TBC1D2B: variants seen among roughly 807,000 people sequenced by gnomAD.
The protein encoded by TBC1D2B is TBC1 domain family member 2B.
A neutral mutation model predicts 100.8 loss-of-function variants in TBC1D2B; 64 were observed. The observed-to-expected ratio is 0.64, with a 90% confidence interval of 0.52 to 0.78. The LOEUF is 0.78. Among genes scored for constraint, TBC1D2B ranks in the 30% least tolerant of loss-of-function variants. The pLI is 0.00. For synonymous variants in TBC1D2B, 480 were observed against 479.7 expected (o/e 1.00, Z -0.01); for missense variants, 1,052 against 1,218.4 (o/e 0.86, Z 2.03).
chr15:78,056,202 G>C (rs2073418505), intron 1 of TBC1D2B, among the ~76,000 whole-genome samples: 1 of 152,210 alleles, frequency 6.6e-6, no homozygotes, highest in Non-Finnish European at 1.5e-5. Context: ...GGTCTTAAAG[G>C]GGAAGCAGGC....
chr15:78,032,417 AAT>A (rs903485037), intron 3 of TBC1D2B, among the ~76,000 whole-genome samples: 18 of 150,296 alleles, frequency 1.2e-4, no homozygotes, highest in East Asian at 1.9e-4. Flanking sequence ...CAATAAAAAA[AAT>A]ATATATATAT....
chr15:78,075,160 C>A (rs8040263), intron 1 of TBC1D2B, among the ~76,000 whole-genome samples: 1 of 152,084 alleles, frequency 6.6e-6, no homozygotes, highest in Non-Finnish European at 1.5e-5. Context: ...TCTGACAATG[C>A]GCCTTGTAAC....
chr15:78,005,104 G>T (rs567025255), intron 10 of TBC1D2B, among the ~76,000 whole-genome samples: 2 of 152,302 alleles, frequency 1.3e-5, no homozygotes, highest in South Asian at 4.1e-4. Context: ...CATGGGAGAA[G>T]ATCCTTGTAC....
intron 6 of TBC1D2B, among the ~76,000 whole-genome samples, chr15:78,022,900 G>A (rs1186255760): frequency 1.3e-5 from 2 of 152,044 alleles, no homozygotes; most frequent in East Asian, 3.8e-4. Context: ...TGAGACCAGA[G>A]GTTTTCTTGT....
intron 1 of TBC1D2B, among the ~76,000 whole-genome samples, chr15:78,067,121 T>C (rs1344896249): frequency 6.6e-6 from 1 of 152,118 alleles, no homozygotes; most frequent in African/African-American, 2.4e-5. Flanking sequence ...TTTAAAATGG[T>C]AAAATATCGT....
chr15:78,050,138 C>T (rs2073282511), intron 2 of TBC1D2B, among the ~76,000 whole-genome samples: 1 of 152,132 alleles, frequency 6.6e-6, no homozygotes, highest in Admixed American at 6.5e-5. Flanking sequence ...CTCTCTACAC[C>T]CTGCATCCTG....
rs759124666 is a variant in TBC1D2B at position 78,030,076 on chromosome 15, T to C, written c.778A>G (p.Thr260Ala). ...TNEEWELLDP[T>A]PKDLEESIVQ... ...ATGGACTCCTCTAGGTCCTTAGGGGTTGGGTCTAAAAGTTCCCACTCTTCA... is the reference window on the plus strand; with the variant it reads ...ATGGACTCCTCTAGGTCCTTAGGGGCTGGGTCTAAAAGTTCCCACTCTTCA... The change falls in exon 4 of 13, where the codon ACC becomes GCC. Residue 260 changes from threonine (T) to alanine (A), a missense_variant. Around this residue, in one of 4 missense-constraint regions of TBC1D2B, gnomAD observed 627 missense variants for 646.1 expected, o/e 0.97. Transcript: ENST00000300584. The C allele has an allele frequency of 1.9e-6, 3 of 1,613,890 alleles. No individual in the cohort carries two copies. The highest frequency in any genetic ancestry group is 1.7e-4 in the Middle Eastern group (1 of 6,060).
intron 9 of TBC1D2B, among the ~76,000 whole-genome samples, chr15:78,010,099 A>T (rs540156987): frequency 6.6e-6 from 1 of 152,334 alleles, no homozygotes; most frequent in Admixed American, 6.5e-5. Context: ...AGAATACAGA[A>T]TGGTTTAAAA....
Position 78,077,342 on chromosome 15 carries a change from G to A in TBC1D2B, c.311C>T (p.Pro104Leu), listed in dbSNP as rs774535158. The A allele has an allele frequency of 1.2e-5, 18 of 1,537,430 alleles. No homozygotes were observed. The highest frequency in any genetic ancestry group is 1.3e-5 in the Non-Finnish European group (15 of 1,142,388). ...PDEAAEPGTE[P>L]PAHFQVHSAG... is the part of the protein sequence containing the mutation. Reference sequence around the variant, plus strand: ...GCTGTGCACCTGGAAGTGCGCGGGCGGCTCCGTGCCCGGCTCCGCCGCCTC... The same window carrying A: ...GCTGTGCACCTGGAAGTGCGCGGGCAGCTCCGTGCCCGGCTCCGCCGCCTC... Residue 104 changes from proline to leucine, a missense_variant, in exon 1 of 13, where the codon CCG becomes CTG. Pro to Leu is a moderately conservative substitution (Grantham distance 98, BLOSUM62 -3). This residue lies in a region of TBC1D2B where 627 missense variants were observed against 646.1 expected (regional missense o/e 0.97). Transcript: ENST00000300584.
Position 78,031,221 on chromosome 15 carries a change from T to C in TBC1D2B, c.684-1051A>G, listed in dbSNP as rs113292514. Among the ~76,000 whole-genome samples, 6 of 152,258 alleles carry C rather than the reference T, an allele frequency of 3.9e-5. 1 individual carries two copies. Among genetic ancestry groups the C allele is most frequent in the South Asian group, 2.1e-4 (1 of 4,824 alleles). On this transcript the variant is annotated intron_variant, in intron 3 of 12. Coordinates refer to ENST00000300584, the MANE Select transcript of TBC1D2B (RefSeq NM_144572.2). ...AATTACAATTATCAAATACAGAATA[T>C]TGGCCACCTCTGTAAAGGTAAAGAA...
At chr15:78,031,783 G>A (rs2072822440) in intron 3 of TBC1D2B, among the ~76,000 whole-genome samples, 1 of 151,944 alleles carries the variant, frequency 6.6e-6, no homozygotes, top group Non-Finnish European at 1.5e-5. Flanking sequence ...CCTCCCCGGT[G>A]AAAACTAAAG....
At chr15:78,029,324 C>T (rs929176268) in intron 4 of TBC1D2B, among the ~76,000 whole-genome samples, 1 of 152,174 alleles carries the variant, frequency 6.6e-6, no homozygotes, top group Non-Finnish European at 1.5e-5. Flanking sequence ...TCCCAAAGTG[C>T]TGGGATTACA....
intron 6 of TBC1D2B, among the ~76,000 whole-genome samples, chr15:78,020,229 C>T (rs765998413): frequency 6.6e-6 from 1 of 152,158 alleles, no homozygotes; most frequent in South Asian, 2.1e-4. Flanking sequence ...TACTAAAAGG[C>T]AGGTCAGCCA....
At chr15:78,020,661 C>A (rs2072494257) in intron 6 of TBC1D2B, among the ~76,000 whole-genome samples, 1 of 152,210 alleles carries the variant, frequency 6.6e-6, no homozygotes, top group Non-Finnish European at 1.5e-5. Context: ...AGAGGCCATG[C>A]TCAATGTAAA....
At chr15:78,047,767 G>A (rs2073227958) in intron 2 of TBC1D2B, among the ~76,000 whole-genome samples, 2 of 152,194 alleles carry the variant, frequency 1.3e-5, no homozygotes, top group South Asian at 2.1e-4. Flanking sequence ...TGCAAGGCAG[G>A]TAGAGATGAG....
chr15:78,044,899 C>T lies in TBC1D2B; in HGVS notation c.683+1G>A, dbSNP rs2073164322. On this transcript the variant is annotated splice_donor_variant, in intron 3 of 12. Transcript: ENST00000300584. LOFTEE classifies it high-confidence loss of function. The stretch of plus-strand genomic sequence containing the variant: ...TCATATGCTGCTTTCTAAAGACTCA[C>T]TTGAGCTCATTGCCCCACTGTTTCA... 2.5e-6 allele frequency: 4 copies of T among 1,607,124 alleles called. No individual in the cohort carries two copies. The highest frequency in any genetic ancestry group is 2.6e-6 in the Non-Finnish European group (3 of 1,175,682).
chr15:78,033,641 A>C (rs1037236010), intron 3 of TBC1D2B, among the ~76,000 whole-genome samples: 1 of 152,194 alleles, frequency 6.6e-6, no homozygotes, highest in Non-Finnish European at 1.5e-5. Flanking sequence ...AAAATAGGTG[A>C]ACTTATTGGA....
At chr15:78,060,126 T>C (rs949000882) in intron 1 of TBC1D2B, among the ~76,000 whole-genome samples, 1 of 152,214 alleles carries the variant, frequency 6.6e-6, no homozygotes, top group Non-Finnish European at 1.5e-5. Context: ...GACAACACCA[T>C]GTACATAAAG....
intron 9 of TBC1D2B, 56 bp downstream of exon 9, chr15:78,012,767 C>T (rs768312396): frequency 2.2e-5 from 31 of 1,395,268 alleles, no homozygotes; most frequent in Non-Finnish European, 2.6e-5. Context: ...CCAGGCAGCA[C>T]CGGTGCCTAC....
Sources: allele counts gnomAD v4.1 joint callset (sites outside exome capture counted in the v4.1 genomes callset), GRCh38; gene constraint gnomAD v4.1.1; regional missense constraint gnomAD v4.1.1; transcripts MANE v1.5; gene names NCBI Gene and HGNC (gene_info 2026-07-23, HGNC 2026-07-21).